Variants in HS3ST4 observed in about 807,000 individuals in gnomAD.
The protein encoded by HS3ST4 is heparan sulfate glucosamine 3-O-sulfotransferase 4.
A neutral mutation model predicts 29.2 loss-of-function variants in HS3ST4; 17 were observed. That is an observed-to-expected ratio of 0.58 (90% confidence interval 0.40 to 0.87). The LOEUF (loss-of-function observed/expected upper bound fraction) is 0.87, where lower values mean the gene tolerates loss of function less well. Among genes scored for constraint, HS3ST4 ranks in the 40% least tolerant of loss-of-function variants. The pLI, the probability that HS3ST4 is intolerant of heterozygous loss-of-function variation, is 0.00. For synonymous variants in HS3ST4, 314 were observed against 285.7 expected (o/e 1.10, Z -1.00); for missense variants, 627 against 634.5 (o/e 0.99, Z 0.13).
intron 1 of HS3ST4, among the ~76,000 whole-genome samples, chr16:25,874,009 C>G (rs1967800847): frequency 7.4e-6 from 1 of 135,420 alleles, no homozygotes; most frequent in Admixed American, 7.0e-5. Flanking sequence ...GAATTATACC[C>G]TTATCAAACA....
intron 1 of HS3ST4, among the ~76,000 whole-genome samples, chr16:25,912,834 A>G (rs1441683634): frequency 6.6e-6 from 1 of 152,212 alleles, no homozygotes; most frequent in Non-Finnish European, 1.5e-5. Flanking sequence ...GCATGGGCAG[A>G]TAGATAATTC....
chr16:25,965,721 A>T (rs902097715), intron 1 of HS3ST4, among the ~76,000 whole-genome samples: 2 of 152,244 alleles, frequency 1.3e-5, no homozygotes, highest in African/African-American at 4.8e-5. Context: ...ATCTGTACTG[A>T]GTTAAGACAT....
intron 1 of HS3ST4, among the ~76,000 whole-genome samples, chr16:26,109,562 T>TC (rs1466510607): frequency 6.6e-6 from 1 of 151,748 alleles, no homozygotes; most frequent in Non-Finnish European, 1.5e-5. Context: ...AGGCTCCTGC[T>TC]CCCCCAGGCA....
intron 1 of HS3ST4, among the ~76,000 whole-genome samples, chr16:25,862,182 T>TTTAC (rs1288058521): frequency 6.7e-6 from 1 of 148,822 alleles, no homozygotes; most frequent in South Asian, 2.1e-4. Context: ...TATTTATTTA[T>TTTAC]TTATTTATTT....
At chr16:26,115,253 A>ATG (rs1298538495) in intron 1 of HS3ST4, among the ~76,000 whole-genome samples, 32 of 149,040 alleles carry the variant, frequency 2.1e-4, no homozygotes, top group African/African-American at 8.1e-4. Context: ...GTGTATATAT[A>ATG]TATACATATA....
At chr16:25,819,742 A>G (rs560954679) in intron 1 of HS3ST4, among the ~76,000 whole-genome samples, 72 of 152,134 alleles carry the variant, frequency 4.7e-4, no homozygotes, top group African/African-American at 1.6e-3. Context: ...AGGCTGAGGG[A>G]TTTGACATTC....
rs186571182 is a variant in HS3ST4 at position 26,091,180 on chromosome 16, C to T, written c.735-44432C>T. ...CCAGTCTTCCTTCAAGATAATGAAC[C>T]GATCCCTAATAAAGAAGAGGAATGG... On this transcript the variant is annotated intron_variant, in intron 1 of 1. Transcript: ENST00000331351. Among the ~76,000 whole-genome samples the T allele has an allele frequency of 6.0e-4, 92 of 152,204 alleles. No individual in the cohort carries two copies. In the East Asian group the frequency reaches 6.4e-3, roughly 11 times the overall value.
At chr16:25,969,621 G>A (rs932093911) in intron 1 of HS3ST4, among the ~76,000 whole-genome samples, 2 of 152,156 alleles carry the variant, frequency 1.3e-5, no homozygotes, top group Admixed American at 6.5e-5. Context: ...CTGAGAGTCA[G>A]TTTTTTCATG....
intron 1 of HS3ST4, among the ~76,000 whole-genome samples, chr16:25,921,828 C>T (rs149982878): frequency 4.6e-5 from 7 of 151,478 alleles, no homozygotes; most frequent in African/African-American, 9.7e-5. Context: ...AATCACAGCT[C>T]ACCTCAGCCT....
chr16:25,715,347 CAA>C (rs57882177), intron 1 of HS3ST4, among the ~76,000 whole-genome samples: 75 of 127,886 alleles, frequency 5.9e-4, no homozygotes, highest in East Asian at 9.3e-4. Context: ...AAAAAAAAAC[CAA>C]AAAAAAAAAA....
intron 1 of HS3ST4, among the ~76,000 whole-genome samples, chr16:25,847,914 A>C (rs1967482026): frequency 6.6e-6 from 1 of 152,150 alleles, no homozygotes; most frequent in African/African-American, 2.4e-5. Context: ...ATTTATATTT[A>C]TGTATTTAAA....
intron 1 of HS3ST4, among the ~76,000 whole-genome samples, chr16:25,972,679 T>A (rs1567284685): frequency 1.3e-5 from 2 of 152,276 alleles, no homozygotes; most frequent in East Asian, 3.9e-4. Context: ...GGGGATGACA[T>A]CCCATCATTT....
At chr16:26,077,256 A>G (rs1898673571) in intron 1 of HS3ST4, among the ~76,000 whole-genome samples, 1 of 152,138 alleles carries the variant, frequency 6.6e-6, no homozygotes, top group African/African-American at 2.4e-5. Context: ...CAGGCATAAA[A>G]CCATTCTCCT....
chr16:25,851,677 A>G (rs1158075346), intron 1 of HS3ST4, among the ~76,000 whole-genome samples: 1 of 152,126 alleles, frequency 6.6e-6, no homozygotes, highest in East Asian at 1.9e-4. Context: ...TTGCCTCAAT[A>G]GAGGGAAGTG....
intron 1 of HS3ST4, among the ~76,000 whole-genome samples, chr16:26,031,892 T>C (rs1969534750): frequency 1.3e-5 from 2 of 152,244 alleles, no homozygotes; most frequent in Admixed American, 1.3e-4. Flanking sequence ...AGTCTTCATC[T>C]GATGCTCTGA....
intron 1 of HS3ST4, among the ~76,000 whole-genome samples, chr16:25,885,591 TACC>T (rs1967941084): frequency 6.6e-6 from 1 of 152,126 alleles, no homozygotes; most frequent in Non-Finnish European, 1.5e-5. Context: ...TCAACAACCC[TACC>T]TGTCCCCCAA....
intron 1 of HS3ST4, among the ~76,000 whole-genome samples, chr16:25,723,573 G>A (rs956871337): frequency 4.6e-5 from 7 of 152,134 alleles, no homozygotes; most frequent in African/African-American, 1.2e-4. Flanking sequence ...CATTGAAGCC[G>A]TCTTAGTTTG....
chr16:25,863,228 G>A (rs1967656953), intron 1 of HS3ST4, among the ~76,000 whole-genome samples: 1 of 151,898 alleles, frequency 6.6e-6, no homozygotes, highest in Admixed American at 6.6e-5. Context: ...GGACTACAGG[G>A]GTGCACCACC....
At chr16:26,062,570 G>A (rs1051743814) in intron 1 of HS3ST4, among the ~76,000 whole-genome samples, 6 of 151,526 alleles carry the variant, frequency 4.0e-5, no homozygotes, top group Admixed American at 2.6e-4. Context: ...CTCTATTTCG[G>A]AATCATCTTC....
Sources: allele counts gnomAD v4.1 joint callset (sites outside exome capture counted in the v4.1 genomes callset), GRCh38; gene constraint gnomAD v4.1.1; transcripts MANE v1.5; gene names NCBI Gene and HGNC (gene_info 2026-07-23, HGNC 2026-07-21).